The following NBPF15 variants were observed in gnomAD, a reference collection of about 807,000 sequenced individuals.
NBPF15 encodes the protein NBPF member 15, also known as NBPF family member NBPF15.
A neutral mutation model predicts 62.2 loss-of-function variants in NBPF15; 74 were observed. The observed-to-expected ratio is 1.19, with a 90% CI of 0.99 to 1.44. The LOEUF (loss-of-function observed/expected upper bound fraction) is 1.44, where lower values mean the gene tolerates loss of function less well. NBPF15 is among the 40% of genes most tolerant of loss of function. NBPF15 has a pLI of 0.00. For missense variants in NBPF15, 790 were observed against 550.0 expected (o/e 1.44, Z -4.36); for synonymous variants, 244 against 209.7 (o/e 1.16, Z -1.41).
intron 4 of NBPF15, among the ~76,000 whole-genome samples, chr1:144,456,285 A>G (rs587765323): frequency 1.3e-5 from 2 of 151,978 alleles, no homozygotes; most frequent in African/African-American, 2.4e-5. Context: ...CTACTAAGGA[A>G]AAGTCCTGGA....
At chr1:144,426,509 C>T (rs1285689607) in intron 17 of NBPF15, 59 bp from the exon 18 acceptor site, 6 of 782,540 alleles carry the variant, frequency 7.7e-6, no homozygotes, top group Non-Finnish European at 1.2e-5. Context: ...CACACAGCCC[C>T]AGCTAGATTT....
chr1:144,426,982 T>C (rs1670202429), intron 17 of NBPF15, 65 bp downstream of exon 17: 7 of 736,952 alleles, frequency 9.5e-6, no homozygotes, highest in Non-Finnish European at 7.4e-6. Context: ...CACTCTTGTT[T>C]TCCCTGGACC....
At chr1:144,445,268 ATG>A (rs1387797972) in intron 6 of NBPF15, among the ~76,000 whole-genome samples, 1 of 93,808 alleles carries the variant, frequency 1.1e-5, no homozygotes, top group Non-Finnish European at 2.2e-5. Flanking sequence ...GTGTCTGTAT[ATG>A]TATATATATA....
intron 13 of NBPF15, among the ~76,000 whole-genome samples, chr1:144,433,237 T>C (rs1675814483): frequency 6.6e-6 from 1 of 152,036 alleles, no homozygotes; most frequent in Non-Finnish European, 1.5e-5. Flanking sequence ...GAAATAAAGA[T>C]GTTCTTTGAA....
At chr1:144,444,216 C>G (rs1553543432) in intron 6 of NBPF15, among the ~76,000 whole-genome samples, 1 of 150,098 alleles carries the variant, frequency 6.7e-6, no homozygotes, top group South Asian at 2.1e-4. Context: ...TAACACAGGC[C>G]TCCGTAACAA....
intron 8 of NBPF15, among the ~76,000 whole-genome samples, chr1:144,438,977 A>G (rs1172957402): frequency 6.6e-6 from 1 of 151,308 alleles, no homozygotes; most frequent in Admixed American, 6.6e-5. Flanking sequence ...TCTTATTTTT[A>G]TTTATCATTA....
At chr1:144,440,773 C>T (rs1185947859) in intron 6 of NBPF15, among the ~76,000 whole-genome samples, 3 of 150,370 alleles carry the variant, frequency 2.0e-5, no homozygotes, top group African/African-American at 7.3e-5. Flanking sequence ...CTGCCTCAGA[C>T]TCCCAAGTAG....
rs1202853704 is a variant in NBPF15, at chr1:144,440,030, A to T, written c.-27T>A. ...CTGACGTTTGTGGCAGAAGAGGTGGAGTCAGGGACTGGGGAGAAGAAACCC... is the reference window on the plus strand; with the variant it reads ...CTGACGTTTGTGGCAGAAGAGGTGGTGTCAGGGACTGGGGAGAAGAAACCC... On this transcript the variant is annotated 5_prime_UTR_variant, in exon 8 of 22. Transcript: ENST00000581897. 5.6e-6 allele frequency: 9 copies of T among 1,602,632 alleles called. No homozygotes were observed. Among genetic ancestry groups the T allele is most frequent in the African/African-American group, 2.7e-5 (2 of 74,630 alleles).
At chr1:144,428,482 G>C (rs1426599415) in intron 15 of NBPF15, 124 bp downstream of exon 15, 14 of 875,938 alleles carry the variant, frequency 1.6e-5, no homozygotes, top group Admixed American at 1.5e-4. Context: ...AAGCAATGTA[G>C]TAGGCATAAT....
In NBPF15 at chr1:144,423,962, C is replaced by G. The variant is rs587594276; in HGVS notation, c.1677G>C (p.Lys559Asn). 70 of 769,516 alleles carry G rather than the reference C, an allele frequency of 9.1e-5. 1 individual carries two copies. Among genetic ancestry groups the G allele is most frequent in the African/African-American group, 7.4e-4 (44 of 59,110 alleles). The allele number at this position is 769,516 out of a possible 1,614,324, so 47.7% of individuals were successfully genotyped here. ...TTCCCCTTCTTTTCTTCCCCTTCCC[C>G]TTCTTTTCAATTTCTGCAATAAATT... ...FSLDVGEIEK[K>N]GKGKKRRGRR... Residue 559 changes from lysine (K) to asparagine (N), a missense_variant, in exon 21 of 22, where the codon AAG (lysine) becomes AAC (asparagine). Coordinates refer to ENST00000581897, the MANE Select transcript of NBPF15 (RefSeq NM_001385408.1).
chr1:144,442,941 T>G (rs6676531), intron 6 of NBPF15: 1 of 204,262 alleles, frequency 4.9e-6, no homozygotes, highest in Non-Finnish European at 1.1e-5. Context: ...AAGAAGGTAT[T>G]CATGGCAATT....
intron 6 of NBPF15, among the ~76,000 whole-genome samples, chr1:144,444,309 G>T (rs1446595553): frequency 6.6e-6 from 1 of 150,416 alleles, no homozygotes; most frequent in African/African-American, 2.5e-5. Flanking sequence ...TACAAAGGCT[G>T]GAATGTAACA....
intron 4 of NBPF15, among the ~76,000 whole-genome samples, chr1:144,455,623 C>T (rs587752157): frequency 6.6e-6 from 1 of 152,158 alleles, no homozygotes; most frequent in South Asian, 2.1e-4. Context: ...TTCCCAGCTG[C>T]AGGTGGGGGC....
intron 6 of NBPF15, among the ~76,000 whole-genome samples, chr1:144,442,116 AATATATATACACGTGT>A (rs1451974524): frequency 4.8e-5 from 3 of 61,894 alleles, no homozygotes; most frequent in East Asian, 9.2e-4. Context: ...ATATATATAT[AATATATATACACGTGT>A]ATATATATAT....
chr1:144,448,298 T>C (rs1362150245), intron 6 of NBPF15, among the ~76,000 whole-genome samples: 9 of 152,064 alleles, frequency 5.9e-5, no homozygotes, highest in African/African-American at 2.2e-4. Flanking sequence ...TTTGGAAGCA[T>C]GTATCCTAAG....
intron 4 of NBPF15, among the ~76,000 whole-genome samples, chr1:144,455,639 C>A (rs1553546738): frequency 6.6e-6 from 1 of 152,046 alleles, no homozygotes. Flanking sequence ...GGGGCCTCAG[C>A]CCCTGGGTCT....
Position 144,424,817 on chromosome 1 carries a change from C to T in NBPF15, c.1536G>A (p.Gln512=). The T allele has an allele frequency of 1.7e-6, 1 of 582,122 alleles. No individual in the cohort carries two copies. Among genetic ancestry groups the T allele is most frequent in the Non-Finnish European group, 3.0e-6 (1 of 334,954 alleles). The allele number at this position is 582,122 out of a possible 1,614,324, so 36.1% of individuals were successfully genotyped here. Reference sequence around the variant, plus strand: ...TTGAATAACATCTATCCAGTGAGTCCTGCAAGACTTCAGGCTCTACTACCT... The same window carrying T: ...TTGAATAACATCTATCCAGTGAGTCTTGCAAGACTTCAGGCTCTACTACCT... ...LLEVVEPEVL[Q]DSLDRCYSTP... The change falls in exon 20 of 22, where the codon CAG becomes CAA. Residue 512 remains glutamine, a synonymous_variant. Transcript: ENST00000581897.
chr1:144,425,549 T>C lies in NBPF15; in HGVS notation c.1458A>G (p.Glu486=). The change falls in exon 19 of 22, where the codon GAA becomes GAG. Residue 486 remains glutamate (E), a synonymous_variant. Coordinates refer to ENST00000581897, the MANE Select transcript of NBPF15 (RefSeq NM_001385408.1). ...ATGGTGGGCCTTGGTCTTCTTCCTC[T>C]TCTTGGTCCTTTTTAATTCCTGCAA... The part of the protein sequence containing the change: ...LDVDRIKKDQ[E]EEEDQGPPCP... 1.9e-6 allele frequency: 1 copy of C among 525,974 alleles called. No individual in the cohort carries two copies. Among genetic ancestry groups the C allele is most frequent in the Non-Finnish European group, 3.3e-6 (1 of 299,588 alleles). 32.6% of individuals were successfully genotyped at this position (525,974 alleles called of 1,614,324 possible). A position where few individuals can be genotyped will look rare whatever the true frequency, so the allele number is the denominator to read the frequency against.
chr1:144,432,249 A>C (rs1674905880), intron 13 of NBPF15, among the ~76,000 whole-genome samples: 1 of 151,890 alleles, frequency 6.6e-6, no homozygotes, highest in Non-Finnish European at 1.5e-5. Context: ...TTTACAGAGA[A>C]GCAAATGCTG....
Sources: allele counts gnomAD v4.1 joint callset (sites outside exome capture counted in the v4.1 genomes callset), GRCh38; gene constraint gnomAD v4.1.1; transcripts MANE v1.5; gene names NCBI Gene and HGNC (gene_info 2026-07-23, HGNC 2026-07-21).